CASC3: variants seen among roughly 807,000 people sequenced by gnomAD.
The protein encoded by CASC3 is CASC3 exon junction complex subunit.
In CASC3, 30 loss-of-function variants were observed where a neutral mutation model predicts 80.5. The ratio of observed to expected loss-of-function variants is 0.37; its 90% CI spans 0.28 to 0.51. CASC3 has a LOEUF of 0.51. CASC3 is among the 20% of genes least tolerant of loss of function. The pLI is 0.94. For missense variants in CASC3, 824 were observed against 922.2 expected, an observed-to-expected ratio of 0.89 and a Z score of 1.38; for synonymous variants, 312 against 333.6, an observed-to-expected ratio of 0.94 and a Z score of 0.70.
Position 40,155,996 on chromosome 17 carries a change from A to T in CASC3, c.298-5757A>T, listed in dbSNP as rs150672204. ...ACTTAAAATAAAGTTGCCTTATTTGACATCCTACCACAGATCAGAGGGTGG... is the reference window on the plus strand; with the variant it reads ...ACTTAAAATAAAGTTGCCTTATTTGTCATCCTACCACAGATCAGAGGGTGG... On this transcript the variant is annotated intron_variant, in intron 3 of 13. Transcript: ENST00000264645. Among the ~76,000 whole-genome samples the T allele has an allele frequency of 9.0e-3, 1,364 of 152,320 alleles. 20 individuals are homozygous for T. Among genetic ancestry groups the T allele is most frequent in the African/African-American group, 0.031 (1,306 of 41,574 alleles).
intron 3 of CASC3, among the ~76,000 whole-genome samples, chr17:40,142,531 G>A (rs1297914245): frequency 2.0e-4 from 30 of 152,044 alleles, no homozygotes; most frequent in Non-Finnish European, 1.5e-5. Flanking sequence ...CAGCACTTTG[G>A]AAGGCTGAGG....
intron 3 of CASC3, among the ~76,000 whole-genome samples, chr17:40,161,539 C>T (rs933491069): frequency 3.9e-5 from 6 of 152,046 alleles, no homozygotes; most frequent in Non-Finnish European, 5.9e-5. Context: ...ATTAGCCAGG[C>T]GCGGTAGTGG....
chr17:40,162,223 C>A, intron 5 of CASC3, 70 bp downstream of exon 5: 1 of 1,454,202 alleles, frequency 6.9e-7, no homozygotes. Flanking sequence ...CTTCGATTTG[C>A]CTGTATTTCA....
chr17:40,158,692 G>C (rs76651695), intron 3 of CASC3, among the ~76,000 whole-genome samples: 4,939 of 152,260 alleles, frequency 0.032, 273 homozygotes, highest in African/African-American at 0.11. Context: ...TGTGGTAAAA[G>C]AGGGAAGAAG....
intron 3 of CASC3, among the ~76,000 whole-genome samples, chr17:40,148,093 C>G (rs1436926865): frequency 1.3e-5 from 2 of 151,960 alleles, no homozygotes; most frequent in African/African-American, 4.8e-5. Context: ...ATTAGTTTTC[C>G]TGGTCTTTTC....
rs1346995500 is a variant in CASC3 at position 40,171,488 on chromosome 17, A to G, written c.*1083A>G. 2 of 987,560 alleles carry G rather than the reference A, an allele frequency of 2.0e-6. No individual in the cohort carries two copies. The highest frequency in any genetic ancestry group is 6.0e-5 in the Admixed American group (1 of 16,590). The allele number at this position is 987,560 out of a possible 1,614,324, so 61.2% of individuals were successfully genotyped here. On this transcript the variant is annotated 3_prime_UTR_variant, in exon 14 of 14. Transcript: ENST00000264645. ...CTGTCCTTTGCAATTGCTCTTCTCC[A>G]CGTCTTTCCTGCTACAAGTGTTTTA...
At chr17:40,153,429 T>C (rs958449314) in intron 3 of CASC3, among the ~76,000 whole-genome samples, 7 of 152,302 alleles carry the variant, frequency 4.6e-5, no homozygotes, top group African/African-American at 1.7e-4. Flanking sequence ...TTCCATCTTT[T>C]GGTTATTATG....
intron 1 of CASC3, 147 bp from the exon 2 acceptor site, chr17:40,141,060 G>T (rs1988701465): frequency 2.6e-6 from 2 of 769,208 alleles, no homozygotes; most frequent in Non-Finnish European, 4.5e-6. Context: ...GACCTGCCTT[G>T]GCTACTACTT....
intron 3 of CASC3, among the ~76,000 whole-genome samples, chr17:40,157,630 G>A (rs138807472): frequency 9.6e-4 from 146 of 152,098 alleles, no homozygotes; most frequent in African/African-American, 2.8e-3. Context: ...AGCTGAGATC[G>A]CGCCATTGCA....
intron 3 of CASC3, among the ~76,000 whole-genome samples, chr17:40,157,395 G>T (rs1228023820): frequency 6.6e-6 from 1 of 150,918 alleles, no homozygotes; most frequent in South Asian, 2.1e-4. Flanking sequence ...ATTAAAAGGG[G>T]CTGGGCGTGG....
chr17:40,164,282 G>T (rs1989388341), intron 7 of CASC3, 116 bp downstream of exon 7: 2 of 908,542 alleles, frequency 2.2e-6, no homozygotes, highest in Non-Finnish European at 3.2e-6. Context: ...CTTTTTTTTT[G>T]AGACAGAGTC....
chr17:40,150,154 G>A (rs898066862), intron 3 of CASC3, among the ~76,000 whole-genome samples: 1 of 152,194 alleles, frequency 6.6e-6, no homozygotes, highest in Non-Finnish European at 1.5e-5. Context: ...GCCAAGGCAG[G>A]AGGATTGCTT....
chr17:40,153,389 C>A (rs1282319113), intron 3 of CASC3, among the ~76,000 whole-genome samples: 2 of 152,156 alleles, frequency 1.3e-5, no homozygotes, highest in Non-Finnish European at 2.9e-5. Context: ...ATTCACCCAA[C>A]AACAGACACG....
chr17:40,147,729 A>G (rs1415677279), intron 3 of CASC3, among the ~76,000 whole-genome samples: 1 of 152,180 alleles, frequency 6.6e-6, no homozygotes, highest in Non-Finnish European at 1.5e-5. Flanking sequence ...GGACCCCAGG[A>G]GAAGAGTTCT....
chr17:40,149,522 A>G (rs1247290679), intron 3 of CASC3, among the ~76,000 whole-genome samples: 1 of 152,000 alleles, frequency 6.6e-6, no homozygotes, highest in Non-Finnish European at 1.5e-5. Flanking sequence ...AAGTTAGGAG[A>G]GTATCAAATA....
At chr17:40,158,571 C>G (rs1989208896) in intron 3 of CASC3, among the ~76,000 whole-genome samples, 1 of 152,166 alleles carries the variant, frequency 6.6e-6, no homozygotes, top group Non-Finnish European at 1.5e-5. Flanking sequence ...CTGCCTTTTC[C>G]TACCTAGAAC....
intron 11 of CASC3, chr17:40,169,063 A>T (rs1190334346): frequency 2.3e-5 from 9 of 391,338 alleles, no homozygotes; most frequent in Non-Finnish European, 4.1e-5. Flanking sequence ...GTCGCTACTG[A>T]ACTCAGCCTT....
chr17:40,141,144 C>T, intron 1 of CASC3, 63 bp from the exon 2 acceptor site: 1 of 1,484,006 alleles, frequency 6.7e-7, no homozygotes, highest in Non-Finnish European at 9.4e-7. Flanking sequence ...ACCCACATTT[C>T]TTTATTGGGC....
rs375462245 is a variant in CASC3 at position 40,164,138 on chromosome 17, T to G, written c.1443T>G (p.Pro481=). 12 of 1,608,570 alleles carry G rather than the reference T, an allele frequency of 7.5e-6. No homozygotes were observed. In the African/African-American group the frequency reaches 8.0e-5, roughly 11 times the overall value. ...IAEQNWSPGQ[P]SFLQPRELRG... The stretch of plus-strand genomic sequence containing the variant: ...AACAGAATTGGAGTCCGGGGCAGCC[T>G]TCTTTCCTGCAACCACGGGAACTTC... The change falls in exon 7 of 14, where the codon CCT becomes CCG. Residue 481 remains proline (P), a synonymous_variant. Transcript: ENST00000264645.
Sources: allele counts gnomAD v4.1 joint callset (sites outside exome capture counted in the v4.1 genomes callset), GRCh38; gene constraint gnomAD v4.1.1; transcripts MANE v1.5; gene names NCBI Gene and HGNC (gene_info 2026-07-23, HGNC 2026-07-21).